The following CPVL variants were observed in gnomAD, a reference collection of about 807,000 sequenced individuals.
CPVL encodes carboxypeptidase vitellogenic like.
A neutral mutation model predicts 63.7 loss-of-function variants in CPVL; 51 were observed. The observed-to-expected ratio is 0.80, with a 90% CI of 0.64 to 1.01. CPVL has a LOEUF of 1.01. CPVL is among the 50% of genes least tolerant of loss of function. CPVL has a pLI of 0.00. For missense variants in CPVL, 530 were observed against 573.1 expected (o/e 0.92, Z 0.77); for synonymous variants, 195 against 206.0 (o/e 0.95, Z 0.46).
intron 1 of CPVL, among the ~76,000 whole-genome samples, chr7:29,138,425 G>C (rs1238219642): frequency 6.6e-6 from 1 of 152,168 alleles, no homozygotes; most frequent in Non-Finnish European, 1.5e-5. Context: ...GGGCAAAAGA[G>C]CGAGACTACG....
intron 11 of CPVL, among the ~76,000 whole-genome samples, chr7:29,044,894 C>T (rs1040059117): frequency 3.9e-5 from 6 of 152,320 alleles, no homozygotes; most frequent in Admixed American, 3.9e-4. Flanking sequence ...GAACCACTCT[C>T]ACCATGCCAT....
intron 3 of CPVL, among the ~76,000 whole-genome samples, chr7:29,098,511 T>C (rs1214004527): frequency 6.6e-6 from 1 of 152,192 alleles, no homozygotes; most frequent in Non-Finnish European, 1.5e-5. Flanking sequence ...ATGCCTAATG[T>C]ATGATAAAAG....
chr7:29,036,587 A>C (rs1584056989), intron 11 of CPVL, among the ~76,000 whole-genome samples: 1 of 152,290 alleles, frequency 6.6e-6, no homozygotes, highest in East Asian at 1.9e-4. Context: ...ACCCTTGACT[A>C]CTAATTTTGC....
At chr7:29,076,957 G>T (rs1433930746) in intron 7 of CPVL, among the ~76,000 whole-genome samples, 6 of 152,190 alleles carry the variant, frequency 3.9e-5, no homozygotes, top group Admixed American at 6.5e-5. Context: ...AAAATAGAGA[G>T]AATGCAATGT....
chr7:29,049,086 C>T (rs1789904735), intron 11 of CPVL, among the ~76,000 whole-genome samples: 1 of 151,876 alleles, frequency 6.6e-6, no homozygotes, highest in South Asian at 2.1e-4. Context: ...AACTGATATC[C>T]TAAAGTCAAA....
chr7:29,044,485 A>T (rs919258969), intron 11 of CPVL, among the ~76,000 whole-genome samples: 2 of 152,186 alleles, frequency 1.3e-5, no homozygotes, highest in Non-Finnish European at 2.9e-5. Flanking sequence ...TAAAAAATTA[A>T]ACCTTTCGTA....
At chr7:29,086,321 C>T (rs954436994) in intron 7 of CPVL, among the ~76,000 whole-genome samples, 163 bp downstream of exon 7, 4 of 151,742 alleles carry the variant, frequency 2.6e-5, no homozygotes, top group Admixed American at 1.3e-4. Context: ...ATATGAAGGG[C>T]ATTTTGATAA....
chr7:29,177,735 C>A (rs1167539870), intron 5 of CPVL, among the ~76,000 whole-genome samples: 1 of 152,042 alleles, frequency 6.6e-6, no homozygotes, highest in African/African-American at 2.4e-5. Flanking sequence ...ACCAGCTATA[C>A]CCCAACCCTC....
intron 12 of CPVL, among the ~76,000 whole-genome samples, chr7:29,014,040 C>T (rs1382228257): frequency 6.6e-6 from 1 of 152,192 alleles, no homozygotes; most frequent in Non-Finnish European, 1.5e-5. Context: ...TGGTCTCTAA[C>T]AAACTATTTG....
At chr7:29,177,550 G>A (rs1418534831) in intron 5 of CPVL, among the ~76,000 whole-genome samples, 3 of 149,492 alleles carry the variant, frequency 2.0e-5, no homozygotes, top group African/African-American at 7.4e-5. Flanking sequence ...CACCGTGCCT[G>A]GCCCCCTCAC....
At chr7:29,146,754 G>A (rs1277301894), upstream of CPVL, 14 of 1,549,846 alleles carry the variant, frequency 9.0e-6, no homozygotes, top group Non-Finnish European at 1.0e-5. Flanking sequence ...AGGTTGGTTT[G>A]TCCCTTTGTT....
chr7:29,015,453 A>G (rs1051902606), intron 12 of CPVL, among the ~76,000 whole-genome samples: 6 of 152,146 alleles, frequency 3.9e-5, no homozygotes, highest in African/African-American at 1.4e-4. Context: ...TGTCCTGGCA[A>G]TACTGAGTGA....
intron 1 of CPVL, among the ~76,000 whole-genome samples, chr7:29,141,370 T>C (rs569999702): frequency 1.4e-4 from 21 of 151,738 alleles, no homozygotes; most frequent in East Asian, 1.4e-3. Flanking sequence ...GCCAACATAG[T>C]GAAACCCCGT....
At chr7:29,176,776 T>C (rs1032489293) in intron 5 of CPVL, among the ~76,000 whole-genome samples, 4 of 152,000 alleles carry the variant, frequency 2.6e-5, no homozygotes, top group African/African-American at 9.7e-5. Flanking sequence ...AAAAACGAGA[T>C]TGAGCTGAAA....
chr7:29,126,140 T>C (rs1383489600), intron 1 of CPVL, among the ~76,000 whole-genome samples: 1 of 152,258 alleles, frequency 6.6e-6, no homozygotes. Context: ...TTTACTATTA[T>C]CTGTGATCTA....
chr7:29,092,805 AG>A, intron 5 of CPVL, 103 bp from the exon 6 acceptor site: 1 of 829,458 alleles, frequency 1.2e-6, no homozygotes, highest in Non-Finnish European at 2.0e-6. Flanking sequence ...CCAAAGGCCA[AG>A]CTCAGACTTC....
At chr7:29,020,099 G>A (rs1310026711) in intron 12 of CPVL, among the ~76,000 whole-genome samples, 1 of 152,186 alleles carries the variant, frequency 6.6e-6, no homozygotes, top group East Asian at 1.9e-4. Context: ...TCGCCCTGAA[G>A]CAGCAATCTG....
At position 28,995,557 on chromosome 7, in the gene CPVL, A is replaced by G; in HGVS notation, c.*215T>C. 1 of 487,034 alleles carries G rather than the reference A, an allele frequency of 2.1e-6. No homozygotes were observed. The allele number at this position is 487,034 out of a possible 1,614,324, so 30.2% of individuals were successfully genotyped here. A position where few individuals can be genotyped will look rare whatever the true frequency, so the allele number is the denominator to read the frequency against. ...ATCCATACCTTTCATCCTTTAAGTTAAATAATGTAATTCTTACTCATGTAC... is the reference window on the plus strand; with the variant it reads ...ATCCATACCTTTCATCCTTTAAGTTGAATAATGTAATTCTTACTCATGTAC... On this transcript the variant is annotated 3_prime_UTR_variant, in exon 13 of 13. Coordinates refer to ENST00000265394, the MANE Select transcript of CPVL (RefSeq NM_031311.5).
rs552752726 is a variant in CPVL at position 29,084,353 on chromosome 7, T to C, written c.609+2131A>G. Among the ~76,000 whole-genome samples the C allele has an allele frequency of 3.3e-5, 5 of 152,352 alleles. No homozygotes were observed. The East Asian group carries it at 9.6e-4, about 29-fold the overall frequency. On this transcript the variant is annotated intron_variant, in intron 7 of 12. Transcript: ENST00000265394. ...CTGCCAGGAAAGCTCTTCTTACAGA[T>C]ACTGCAGAAATTACCCCACCACATC...
Sources: gnomAD v4.1 joint callset for allele counts (sites outside exome capture counted in the v4.1 genomes callset) on GRCh38, gnomAD v4.1.1 for gene constraint, MANE v1.5 for transcripts, NCBI Gene and HGNC (gene_info 2026-07-23, HGNC 2026-07-21) for gene names.